Variants in CNOT1 observed in about 807,000 individuals in gnomAD.
The protein encoded by CNOT1 is CCR4-NOT transcription complex subunit 1.
A neutral mutation model predicts 273.8 loss-of-function variants in CNOT1; 15 were observed. The ratio of observed to expected loss-of-function variants is 0.05; its 90% CI spans 0.04 to 0.08. The LOEUF (loss-of-function observed/expected upper bound fraction) is 0.08. Ranked by LOEUF, CNOT1 falls within the 10% of genes least tolerant of loss-of-function variation. The probability of loss-of-function intolerance (pLI) is 1.00; values close to 1 mark genes in which losing one functional copy is unlikely to be tolerated. For missense variants in CNOT1, 1,644 were observed against 2,912.2 expected, an observed-to-expected ratio of 0.56 and a Z score of 10.02; for synonymous variants, 1,022 against 1,005.5, an observed-to-expected ratio of 1.02 and a Z score of -0.31.
At chr16:58,621,215 GCCTCC>G (rs2043299384) in intron 1 of CNOT1, among the ~76,000 whole-genome samples, 1 of 152,014 alleles carries the variant, frequency 6.6e-6, no homozygotes, top group African/African-American at 2.4e-5. Flanking sequence ...GTACACCTCT[GCCTCC>G]CAAAAGTGTT....
intron 7 of CNOT1, 141 bp downstream of exon 7, chr16:58,586,404 A>AGGGGAAGGGGAGGAG: frequency 1.6e-4 from 1 of 6,192 alleles, no homozygotes; most frequent in Non-Finnish European, 2.5e-4. Context: ...CAGGGGAGGG[A>AGGGGAAGGGGAGGAG]GGGGAGGGGA....
At chr16:58,623,604 A>C (rs933770274) in intron 1 of CNOT1, among the ~76,000 whole-genome samples, 1 of 152,214 alleles carries the variant, frequency 6.6e-6, no homozygotes, top group Non-Finnish European at 1.5e-5. Context: ...GCTGAGGCAC[A>C]GTGTAGCCAG....
intron 1 of CNOT1, among the ~76,000 whole-genome samples, chr16:58,603,410 T>TAA (rs1428356645): frequency 2.7e-4 from 1 of 3,708 alleles, no homozygotes; most frequent in Non-Finnish European, 5.4e-4. Flanking sequence ...AATTTAAAAG[T>TAA]GTGTGTGTGT....
chr16:58,602,056 C>A (rs1176969740), intron 1 of CNOT1, among the ~76,000 whole-genome samples: 1 of 151,746 alleles, frequency 6.6e-6, no homozygotes, highest in Non-Finnish European at 1.5e-5. Context: ...CTACTTCAGT[C>A]CTTTTATTTT....
intron 1 of CNOT1, among the ~76,000 whole-genome samples, chr16:58,610,742 C>T (rs2042867100): frequency 6.6e-6 from 1 of 151,862 alleles, no homozygotes; most frequent in Non-Finnish European, 1.5e-5. Context: ...ATTCGGGAGG[C>T]TGAGGCAGGA....
In CNOT1 at chr16:58,599,350, C is replaced by T. The variant is rs1439309483; in HGVS notation, c.-13G>A. On this transcript the variant is annotated 5_prime_UTR_variant, in exon 2 of 49. Transcript: ENST00000317147. ...AGTCAAGATTCATTGCTGGTTGGGG[C>T]GGAAGCAGGCGGCCGAGCCCGGCGC... 2.5e-6 allele frequency: 4 copies of T among 1,614,040 alleles called. No individual in the cohort carries two copies. The highest frequency in any genetic ancestry group is 2.5e-6 in the Non-Finnish European group (3 of 1,179,998).
At chr16:58,544,052 C>T in intron 30 of CNOT1, 149 bp from the exon 31 acceptor site, 2 of 1,322,932 alleles carry the variant, frequency 1.5e-6, no homozygotes, top group South Asian at 1.6e-5. Context: ...ATTCGGGTAA[C>T]AGAAACTGAG....
rs1255297270 is a variant in CNOT1, at chr16:58,615,761, T to C, written c.-175+13967A>G. 2.4e-5 allele frequency among the ~76,000 whole-genome samples: 3 copies of C among 123,924 alleles called. 1 individual carries two copies. The highest frequency in any genetic ancestry group is 5.7e-5 in the Non-Finnish European group (3 of 52,280). 81.3% of individuals were successfully genotyped at this position (123,924 alleles called of 152,430 possible). Reference sequence around the variant, plus strand: ...TAAGGTCACAGGAAAGCCATGAACATGTAAGGAAAAGAGAAGCGAATGTAC... The same window carrying C: ...TAAGGTCACAGGAAAGCCATGAACACGTAAGGAAAAGAGAAGCGAATGTAC... On this transcript the variant is annotated intron_variant, in intron 1 of 48. Transcript: ENST00000317147.
intron 2 of CNOT1, among the ~76,000 whole-genome samples, chr16:58,595,593 T>C (rs1480063926): frequency 1.3e-5 from 2 of 152,210 alleles, no homozygotes; most frequent in South Asian, 2.1e-4. Context: ...TTGTGTTTAC[T>C]TGGGGACTTT....
intron 1 of CNOT1, among the ~76,000 whole-genome samples, chr16:58,619,660 G>C (rs1369491237): frequency 6.6e-6 from 1 of 152,078 alleles, no homozygotes; most frequent in Non-Finnish European, 1.5e-5. Flanking sequence ...TCCTGACTTT[G>C]TGATCTGCCC....
At chr16:58,545,613 A>G in intron 29 of CNOT1, 122 bp from the exon 30 acceptor site, 1 of 1,466,574 alleles carries the variant, frequency 6.8e-7, no homozygotes, top group Non-Finnish European at 9.1e-7. Flanking sequence ...AGAGGAGGGA[A>G]GGATGTAGCA....
intron 1 of CNOT1, among the ~76,000 whole-genome samples, chr16:58,615,146 T>C (rs2043031151): frequency 8.0e-6 from 1 of 125,208 alleles, no homozygotes; most frequent in African/African-American, 2.7e-5. Context: ...TAGAGGTAAG[T>C]GGGACCCAAA....
chr16:58,608,312 T>C (rs994851812), intron 1 of CNOT1, among the ~76,000 whole-genome samples: 16 of 152,070 alleles, frequency 1.1e-4, no homozygotes, highest in African/African-American at 3.6e-4. Context: ...CCCAGTACTA[T>C]GGGAGACCAA....
chr16:58,535,424 A>G (rs924026089), intron 39 of CNOT1, among the ~76,000 whole-genome samples: 1 of 152,220 alleles, frequency 6.6e-6, no homozygotes, highest in African/African-American at 2.4e-5. Context: ...AGAATTTTCA[A>G]AAGGATACAA....
Position 58,578,780 on chromosome 16 carries a change from T to C in CNOT1, c.1503A>G (p.Glu501=). 6.2e-7 allele frequency: 1 copy of C among 1,614,170 alleles called. No individual in the cohort carries two copies. Among genetic ancestry groups the C allele is most frequent in the Non-Finnish European group, 8.5e-7 (1 of 1,180,036 alleles). Residue 501 remains glutamate, a synonymous_variant, in exon 13 of 49, where the codon GAA becomes GAG. Transcript: ENST00000317147. The stretch of plus-strand genomic sequence containing the variant: ...AAATTGGCATCAGAGTGGAGATAAG[T>C]TCATGGCGCAAGGTATGCCAAGAGG... The part of the protein sequence containing the change: ...INTSWHTLRH[E]LISTLMPIFL...
At chr16:58,613,984 C>G (rs2042990700) in intron 1 of CNOT1, among the ~76,000 whole-genome samples, 1 of 116,020 alleles carries the variant, frequency 8.6e-6, no homozygotes, top group Non-Finnish European at 2.0e-5. Flanking sequence ...CCCAGCTACT[C>G]AGGAGGCTGA....
At chr16:58,555,174 C>T (rs979123593) in intron 21 of CNOT1, 77 bp downstream of exon 21, 9 of 1,558,808 alleles carry the variant, frequency 5.8e-6, no homozygotes, top group Admixed American at 1.9e-5. Context: ...CGCCACTGCA[C>T]TCCAGCCTGG....
In CNOT1 at chr16:58,539,940, T is replaced by C; in HGVS notation, c.4820A>G (p.Asp1607Gly). The C allele has an allele frequency of 1.9e-6, 3 of 1,606,836 alleles. No homozygotes were observed. The highest frequency in any genetic ancestry group is 2.6e-6 in the Non-Finnish European group (3 of 1,176,238). The change falls in exon 35 of 49, where the codon GAT becomes GGT. Residue 1607 changes from aspartate to glycine, a missense_variant. Around this residue, in one of 13 missense-constraint regions of CNOT1, gnomAD observed 170 missense variants for 273.1 expected, o/e 0.62. Transcript: ENST00000317147. The part of the protein sequence containing the change: ...QPMKQAWATD[D>G]VAQIYDKCIT... ...ACACTTATCATAAATCTGAGCTACA[T>C]CATCTGTTGCCCAAGCTTGCTGTTT...
chr16:58,559,037 C>T (rs2040740610), intron 17 of CNOT1, among the ~76,000 whole-genome samples: 1 of 152,224 alleles, frequency 6.6e-6, no homozygotes, highest in African/African-American at 2.4e-5. Flanking sequence ...ACATGAAATT[C>T]ACTTGTTTCA....
Sources: allele counts gnomAD v4.1 joint callset (sites outside exome capture counted in the v4.1 genomes callset), GRCh38; gene constraint gnomAD v4.1.1; regional missense constraint gnomAD v4.1.1; transcripts MANE v1.5; gene names NCBI Gene and HGNC (gene_info 2026-07-23, HGNC 2026-07-21).